The following DAAM1 variants were observed in gnomAD, a reference collection of about 807,000 sequenced individuals.
DAAM1 encodes dishevelled associated activator of morphogenesis 1, also known as disheveled-associated activator of morphogenesis 1.
A neutral mutation model predicts 130.0 loss-of-function variants in DAAM1; 52 were observed. The observed-to-expected ratio is 0.40, with a 90% confidence interval of 0.32 to 0.50. DAAM1 has a LOEUF of 0.50. Ranked by LOEUF, DAAM1 falls within the 20% of genes least tolerant of loss-of-function variation. The pLI is 0.61. For synonymous variants in DAAM1, 452 were observed against 444.5 expected (o/e 1.02, Z -0.21); for missense variants, 1,134 against 1,303.8 (o/e 0.87, Z 2.01).
intron 22 of DAAM1, among the ~76,000 whole-genome samples, chr14:59,361,865 A>T (rs1467403053): frequency 6.6e-6 from 1 of 152,196 alleles, no homozygotes; most frequent in Non-Finnish European, 1.5e-5. Flanking sequence ...ATTTATCAGT[A>T]ATGCTGTGAG....
intron 3 of DAAM1, among the ~76,000 whole-genome samples, chr14:59,311,740 T>C (rs770471198): frequency 6.6e-6 from 1 of 152,188 alleles, no homozygotes; most frequent in Non-Finnish European, 1.5e-5. Context: ...TTATTGTTTG[T>C]GAGATAGGAT....
At chr14:59,314,692 C>T (rs1478360418) in intron 3 of DAAM1, among the ~76,000 whole-genome samples, 2 of 152,166 alleles carry the variant, frequency 1.3e-5, no homozygotes, top group African/African-American at 4.8e-5. Flanking sequence ...CCTGAGCTGT[C>T]ACAGCATGAG....
At chr14:59,309,595 C>G (rs1884500526) in intron 3 of DAAM1, among the ~76,000 whole-genome samples, 1 of 152,140 alleles carries the variant, frequency 6.6e-6, no homozygotes, top group Non-Finnish European at 1.5e-5. Flanking sequence ...CCTATTCATT[C>G]AAGTGTTCTC....
At chr14:59,208,753 G>A (rs562501525) in intron 1 of DAAM1, among the ~76,000 whole-genome samples, 1 of 152,256 alleles carries the variant, frequency 6.6e-6, no homozygotes, top group African/African-American at 2.4e-5. Context: ...CTGGTGGGAG[G>A]TGTTTGGGTC....
At chr14:59,287,160 C>T (rs1367403979) in intron 2 of DAAM1, among the ~76,000 whole-genome samples, 13 of 152,108 alleles carry the variant, frequency 8.5e-5, no homozygotes, top group Non-Finnish European at 1.0e-4. Context: ...TGATTCACCA[C>T]ATAAACAGAA....
At chr14:59,223,728 C>G (rs1888850065) in intron 1 of DAAM1, among the ~76,000 whole-genome samples, 2 of 152,230 alleles carry the variant, frequency 1.3e-5, no homozygotes, top group African/African-American at 4.8e-5. Flanking sequence ...GATGGGTCCA[C>G]TAGTCATTGC....
At chr14:59,261,666 G>A (rs894783070) in intron 1 of DAAM1, among the ~76,000 whole-genome samples, 1 of 152,200 alleles carries the variant, frequency 6.6e-6, no homozygotes, top group Non-Finnish European at 1.5e-5. Flanking sequence ...GTCAGCGGAG[G>A]ACTAGACTGT....
intron 3 of DAAM1, among the ~76,000 whole-genome samples, chr14:59,295,581 G>C (rs1021957636): frequency 6.6e-6 from 1 of 152,204 alleles, no homozygotes; most frequent in Non-Finnish European, 1.5e-5. Flanking sequence ...TCAGTTCCTG[G>C]AGAGCTGAAG....
At chr14:59,356,851 ATCTT>A (rs1248110003) in intron 20 of DAAM1, among the ~76,000 whole-genome samples, 15 of 152,222 alleles carry the variant, frequency 9.9e-5, no homozygotes, top group Admixed American at 7.8e-4. Context: ...ACTATTTCTG[ATCTT>A]TCTGTTTCCT....
intron 1 of DAAM1, among the ~76,000 whole-genome samples, chr14:59,239,680 G>A (rs571086574): frequency 2.4e-4 from 37 of 152,170 alleles, no homozygotes; most frequent in African/African-American, 7.0e-4. Flanking sequence ...CACACAGTCT[G>A]TCTCTCTCAA....
At chr14:59,272,643 A>ATATGTATGTATGTATGTATG (rs61227619) in intron 2 of DAAM1, among the ~76,000 whole-genome samples, 14 of 145,990 alleles carry the variant, frequency 9.6e-5, no homozygotes, top group African/African-American at 2.8e-4. Context: ...ACACACATAT[A>ATATGTATGTATGTATGTATG]TATGTATGTA....
intron 2 of DAAM1, among the ~76,000 whole-genome samples, chr14:59,285,999 T>G (rs1883435864): frequency 6.6e-6 from 1 of 152,110 alleles, no homozygotes; most frequent in Non-Finnish European, 1.5e-5. Flanking sequence ...GCACATACTC[T>G]AAGATCAACC....
chr14:59,287,525 A>G (rs917625270), intron 2 of DAAM1, among the ~76,000 whole-genome samples: 5 of 152,180 alleles, frequency 3.3e-5, no homozygotes, highest in African/African-American at 1.2e-4. Flanking sequence ...TACCTAGAAA[A>G]CCCCATAGAC....
chr14:59,237,499 A>G (rs928016552), intron 1 of DAAM1, among the ~76,000 whole-genome samples: 1 of 152,222 alleles, frequency 6.6e-6, no homozygotes, highest in African/African-American at 2.4e-5. Context: ...AATTTACATA[A>G]GAAGTGAATT....
At chr14:59,263,773 G>A in intron 2 of DAAM1, 113 bp downstream of exon 2, 1 of 1,336,710 alleles carries the variant, frequency 7.5e-7, no homozygotes, top group Non-Finnish European at 1.0e-6. Context: ...CAGTGAAATG[G>A]CCCCCATTCA....
chr14:59,339,625 T>G (rs1009400315), intron 15 of DAAM1, among the ~76,000 whole-genome samples: 4 of 152,202 alleles, frequency 2.6e-5, no homozygotes, highest in African/African-American at 9.6e-5. Context: ...TTTTATCGTT[T>G]AGCTTTTTTG....
chr14:59,343,976 G>A (rs946284683), intron 16 of DAAM1, among the ~76,000 whole-genome samples: 2 of 152,200 alleles, frequency 1.3e-5, no homozygotes, highest in African/African-American at 4.8e-5. Flanking sequence ...ACTGGTATGT[G>A]TGCATGGGTG....
intron 1 of DAAM1, among the ~76,000 whole-genome samples, chr14:59,233,906 G>C (rs963322954): frequency 3.3e-5 from 5 of 152,164 alleles, no homozygotes; most frequent in Non-Finnish European, 5.9e-5. Context: ...CCCATTGCTT[G>C]TTTTTGTCCA....
At chr14:59,353,442 TA>T (rs1186691257) in intron 18 of DAAM1, among the ~76,000 whole-genome samples, 1 of 152,208 alleles carries the variant, frequency 6.6e-6, no homozygotes, top group African/African-American at 2.4e-5. Flanking sequence ...AATGGAAAGT[TA>T]AGAAATTTGG....
Sources: gnomAD v4.1 joint callset for allele counts (sites outside exome capture counted in the v4.1 genomes callset) on GRCh38, gnomAD v4.1.1 for gene constraint, MANE v1.5 for transcripts, NCBI Gene and HGNC (gene_info 2026-07-23, HGNC 2026-07-21) for gene names.